SMARCC1: variants seen among roughly 807,000 people sequenced by gnomAD.
The protein encoded by SMARCC1 is SWI/SNF complex subunit SMARCC1.
In SMARCC1, 43 loss-of-function variants were observed where a neutral mutation model predicts 147.4. That is an observed-to-expected ratio of 0.29 (90% CI 0.23 to 0.38). The LOEUF (loss-of-function observed/expected upper bound fraction) is 0.38, where lower values mean the gene tolerates loss of function less well. SMARCC1 is among the 10% of genes least tolerant of loss of function. SMARCC1 has a pLI of 1.00. For synonymous variants in SMARCC1, 495 were observed against 484.4 expected (o/e 1.02, Z -0.29); for missense variants, 1,119 against 1,381.1 (o/e 0.81, Z 3.01).
intron 19 of SMARCC1, 126 bp downstream of exon 19, chr3:47,670,532 T>C: frequency 1.4e-6 from 1 of 692,504 alleles, no homozygotes; most frequent in South Asian, 1.7e-5. Context: ...TGCACTGAGC[T>C]ACCATCAGGC....
chr3:47,635,941 AT>A, intron 23 of SMARCC1, 80 bp downstream of exon 23: 1 of 706,976 alleles, frequency 1.4e-6, no homozygotes, highest in Non-Finnish European at 2.4e-6. Context: ...ATGAGGAAAT[AT>A]TTCTATATAA....
At chr3:47,748,471 A>C (rs1272593279) in intron 2 of SMARCC1, among the ~76,000 whole-genome samples, 1 of 152,114 alleles carries the variant, frequency 6.6e-6, no homozygotes, top group African/African-American at 2.4e-5. Flanking sequence ...TGATCCGCCC[A>C]CCTTGGCCTC....
At chr3:47,618,923 T>C (rs532407703) in intron 25 of SMARCC1, among the ~76,000 whole-genome samples, 1 of 152,162 alleles carries the variant, frequency 6.6e-6, no homozygotes, top group Non-Finnish European at 1.5e-5. Flanking sequence ...CAGCAAGATG[T>C]CTTACTGCCA....
chr3:47,744,096 G>T (rs1394811043), intron 3 of SMARCC1, among the ~76,000 whole-genome samples: 1 of 152,142 alleles, frequency 6.6e-6, no homozygotes, highest in African/African-American at 2.4e-5. Context: ...GCTAGACACA[G>T]AACTGGAAAA....
At chr3:47,746,268 G>A (rs1301926089) in intron 2 of SMARCC1, 1 of 263,940 alleles carries the variant, frequency 3.8e-6, no homozygotes, top group Non-Finnish European at 7.0e-6. Flanking sequence ...GGGCAACACA[G>A]GGAGATCCAG....
At chr3:47,689,887 TA>T (rs1559645830) in intron 12 of SMARCC1, among the ~76,000 whole-genome samples, 1 of 152,166 alleles carries the variant, frequency 6.6e-6, no homozygotes, top group Non-Finnish European at 1.5e-5. Flanking sequence ...AAAGCCCAGG[TA>T]AAATTTGTAA....
Position 47,711,230 on chromosome 3 carries a change from A to G in SMARCC1, c.793-422T>C, listed in dbSNP as rs76268335. On this transcript the variant is annotated intron_variant, in intron 8 of 27. Transcript: ENST00000254480. ...TTCGCAGAGGCCGATCACCTGCCCC[A>G]TCATGTACACATGGTGCTCTAGGTA... Among the ~76,000 whole-genome samples the G allele has an allele frequency of 2.5e-3, 383 of 152,296 alleles. 1 individual carries two copies. Among genetic ancestry groups the G allele is most frequent in the African/African-American group, 8.7e-3 (362 of 41,556 alleles).
intron 19 of SMARCC1, among the ~76,000 whole-genome samples, chr3:47,669,093 CTT>C (rs2106746340): frequency 6.6e-6 from 1 of 152,230 alleles, no homozygotes; most frequent in South Asian, 2.1e-4. Context: ...GTGGAGAAGT[CTT>C]TTATTTCTCT....
At chr3:47,659,578 T>G (rs184974857) in intron 21 of SMARCC1, among the ~76,000 whole-genome samples, 1 of 152,186 alleles carries the variant, frequency 6.6e-6, no homozygotes, top group African/African-American at 2.4e-5. Context: ...GGACTGTGGT[T>G]GATGATGATG....
chr3:47,723,460 T>C (rs1035185351), intron 6 of SMARCC1, among the ~76,000 whole-genome samples: 4 of 140,016 alleles, frequency 2.9e-5, no homozygotes, highest in African/African-American at 1.1e-4. Flanking sequence ...GGTGACGGAA[T>C]GAAATTCTGT....
chr3:47,760,142 C>T (rs924266274), intron 2 of SMARCC1, among the ~76,000 whole-genome samples: 5 of 150,914 alleles, frequency 3.3e-5, no homozygotes, highest in Non-Finnish European at 5.9e-5. Flanking sequence ...GGTGAAACCC[C>T]ATCTCTACCA....
At chr3:47,621,085 A>C (rs2106683608) in intron 25 of SMARCC1, among the ~76,000 whole-genome samples, 1 of 152,270 alleles carries the variant, frequency 6.6e-6, no homozygotes, top group Non-Finnish European at 1.5e-5. Context: ...GCAGATCATG[A>C]GGTCAAGAGA....
In SMARCC1 at chr3:47,620,698, A is replaced by T. The variant is rs762846399; in HGVS notation, c.2781+1509T>A. Among the ~76,000 whole-genome samples the T allele has an allele frequency of 4.6e-5, 7 of 152,146 alleles. No homozygotes were observed. In the South Asian group the frequency reaches 8.3e-4, roughly 18 times the overall value. Reference sequence around the variant, plus strand: ...GGGAATGCTACGTACAAGACTCAGGATGGGCCTACTTCCAGCTACCATTCA... The same window carrying T: ...GGGAATGCTACGTACAAGACTCAGGTTGGGCCTACTTCCAGCTACCATTCA... On this transcript the variant is annotated intron_variant, in intron 25 of 27. Coordinates refer to ENST00000254480, the MANE Select transcript of SMARCC1 (RefSeq NM_003074.4).
In SMARCC1 at chr3:47,588,174, G is replaced by T. The variant is rs774242886; in HGVS notation, c.*35C>A. Reference sequence around the variant, plus strand: ...TCTTGTCATCCCCACTCCAGCTCATGGTGGTGGGCGTGGAGGTTCCCTGCA... The same window carrying T: ...TCTTGTCATCCCCACTCCAGCTCATTGTGGTGGGCGTGGAGGTTCCCTGCA... On this transcript the variant is annotated 3_prime_UTR_variant, in exon 28 of 28. Coordinates refer to ENST00000254480, the MANE Select transcript of SMARCC1 (RefSeq NM_003074.4). The T allele has an allele frequency of 4.0e-6, 6 of 1,488,320 alleles. No individual in the cohort carries two copies. The highest frequency in any genetic ancestry group is 4.7e-6 in the Non-Finnish European group (5 of 1,070,466). 92.2% of individuals were successfully genotyped at this position (1,488,320 alleles called of 1,614,324 possible). A position where few individuals can be genotyped will look rare whatever the true frequency, so the allele number is the denominator to read the frequency against.
intron 25 of SMARCC1, among the ~76,000 whole-genome samples, chr3:47,619,301 G>A (rs762401857): frequency 3.3e-5 from 5 of 152,198 alleles, no homozygotes; most frequent in Admixed American, 1.3e-4. Flanking sequence ...CAACAATGCT[G>A]GCACGCACTC....
intron 11 of SMARCC1, among the ~76,000 whole-genome samples, chr3:47,697,141 C>G (rs2033862691): frequency 6.6e-6 from 1 of 152,092 alleles, no homozygotes; most frequent in African/African-American, 2.4e-5. Context: ...GGCGGTATGG[C>G]AAGACCGTGT....
chr3:47,743,430 T>C (rs1347198743), intron 3 of SMARCC1, among the ~76,000 whole-genome samples: 1 of 152,182 alleles, frequency 6.6e-6, no homozygotes, highest in Non-Finnish European at 1.5e-5. Flanking sequence ...CTGTATTACA[T>C]ATATCTTCCT....
At chr3:47,658,912 G>A (rs745621871) in intron 21 of SMARCC1, among the ~76,000 whole-genome samples, 4 of 152,222 alleles carry the variant, frequency 2.6e-5, no homozygotes, top group Middle Eastern at 6.8e-3. Context: ...AAGGTCAGGA[G>A]TTCGAGACCA....
At chr3:47,604,664 T>G in intron 26 of SMARCC1, 1 of 174,596 alleles carries the variant, frequency 5.7e-6, no homozygotes, top group South Asian at 1.3e-4. Context: ...TCTGAACTGG[T>G]AACTTTAAAA....
Sources: allele counts gnomAD v4.1 joint callset (sites outside exome capture counted in the v4.1 genomes callset), GRCh38; gene constraint gnomAD v4.1.1; transcripts MANE v1.5; gene names NCBI Gene and HGNC (gene_info 2026-07-23, HGNC 2026-07-21).